EMP2: variants seen among roughly 807,000 people sequenced by gnomAD.
EMP2 encodes epithelial membrane protein 2.
In EMP2, 19 loss-of-function variants were observed where a neutral mutation model predicts 13.7. The ratio of observed to expected loss-of-function variants is 1.38; its 90% CI spans 0.97 to 2.03. EMP2 has a LOEUF of 2.03. Ranked by LOEUF, EMP2 falls within the 30% of genes most tolerant of loss-of-function variation. EMP2 has a pLI of 0.00. For missense variants in EMP2, 253 were observed against 220.7 expected, an observed-to-expected ratio of 1.15 and a Z score of -0.93; for synonymous variants, 97 against 84.7, an observed-to-expected ratio of 1.15 and a Z score of -0.80.
chr16:10,557,508 G>A (rs1371370486), intron 1 of EMP2, among the ~76,000 whole-genome samples: 1 of 152,164 alleles, frequency 6.6e-6, no homozygotes, highest in Admixed American at 6.6e-5. Context: ...TTTGGATTAT[G>A]GATAAAGTTT....
At chr16:10,576,147 G>T (rs896295298) in intron 1 of EMP2, among the ~76,000 whole-genome samples, 3 of 151,866 alleles carry the variant, frequency 2.0e-5, no homozygotes, top group Non-Finnish European at 4.4e-5. Context: ...GTGAAACCAT[G>T]GGTTTGTGTG....
At chr16:10,574,910 C>T (rs1004488469) in intron 1 of EMP2, among the ~76,000 whole-genome samples, 1 of 152,050 alleles carries the variant, frequency 6.6e-6, no homozygotes, top group Non-Finnish European at 1.5e-5. Flanking sequence ...GGCTGGAGTA[C>T]GTGGAACAAT....
chr16:10,534,050 G>A lies in EMP2; in HGVS notation c.317-958C>T, dbSNP rs566024613. 9.2e-5 allele frequency among the ~76,000 whole-genome samples: 14 copies of A among 152,098 alleles called. No homozygotes were observed. The East Asian group carries it at 2.7e-3, about 29-fold the overall frequency. Reference sequence around the variant, plus strand: ...GAATCGCTTTAACTCACGAGGCAGAGGTTGCAGTGAGCCGAGATCGCACCA... The same window carrying A: ...GAATCGCTTTAACTCACGAGGCAGAAGTTGCAGTGAGCCGAGATCGCACCA... On this transcript the variant is annotated intron_variant, in intron 4 of 4. Coordinates refer to ENST00000359543, the MANE Select transcript of EMP2 (RefSeq NM_001424.6).
At chr16:10,556,392 C>T (rs2050827976) in intron 1 of EMP2, among the ~76,000 whole-genome samples, 1 of 152,316 alleles carries the variant, frequency 6.6e-6, no homozygotes, top group Non-Finnish European at 1.5e-5. Context: ...GCACATTCTC[C>T]AGCCAGTCTC....
chr16:10,535,711 C>A (rs2050641872), intron 4 of EMP2, among the ~76,000 whole-genome samples: 1 of 152,172 alleles, frequency 6.6e-6, no homozygotes, highest in African/African-American at 2.4e-5. Context: ...ACCCAAGTCC[C>A]CCCACCCCAA....
chr16:10,559,403 G>C (rs919997655), intron 1 of EMP2, among the ~76,000 whole-genome samples: 15 of 152,216 alleles, frequency 9.9e-5, no homozygotes, highest in Admixed American at 3.3e-4. Flanking sequence ...TGGAGCTCTG[G>C]GCACAAAGTC....
chr16:10,547,664 C>G lies in EMP2; in HGVS notation c.-47G>C, dbSNP rs1209669062. 2.5e-6 allele frequency: 4 copies of G among 1,590,830 alleles called. No individual in the cohort carries two copies. In the Admixed American group the frequency reaches 6.7e-5, roughly 27 times the overall value. On this transcript the variant is annotated 5_prime_UTR_variant, in exon 2 of 5. Transcript: ENST00000359543. The stretch of plus-strand genomic sequence containing the variant: ...GAGGCGAGGGGTCACGTTTAAAGCC[C>G]AGAGCGGGATGTGCTGAAGAGGGTA...
rs2050660855 is a variant in EMP2, at chr16:10,537,824, C to T, written c.316+104G>A. The T allele has an allele frequency of 3.3e-6, 5 of 1,509,098 alleles. No individual in the cohort carries two copies. In the South Asian group the frequency reaches 6.3e-5, roughly 19 times the overall value. The allele number at this position is 1,509,098 out of a possible 1,614,324, so 93.5% of individuals were successfully genotyped here. On this transcript the variant is annotated intron_variant, in intron 4 of 4. Transcript: ENST00000359543. Reference sequence around the variant, plus strand: ...CACAGCACCGCGCGGCTGCCAATTTCTCCTTTCCAAATTCTCCCTCCTCCT... The same window carrying T: ...CACAGCACCGCGCGGCTGCCAATTTTTCCTTTCCAAATTCTCCCTCCTCCT...
At chr16:10,538,335 C>A (rs1349296096) in intron 3 of EMP2, among the ~76,000 whole-genome samples, 2 of 152,342 alleles carry the variant, frequency 1.3e-5, no homozygotes, top group Admixed American at 6.5e-5. Context: ...GCTCTGCATT[C>A]TTCCTGGTCT....
At chr16:10,540,903 C>T (rs552142534) in intron 3 of EMP2, among the ~76,000 whole-genome samples, 2 of 151,998 alleles carry the variant, frequency 1.3e-5, no homozygotes, top group South Asian at 4.2e-4. Context: ...GCATGGGCAA[C>T]ATGGTAAAAC....
chr16:10,530,996 G>A lies in EMP2; in HGVS notation c.*1909C>T, dbSNP rs990714973. ...TTTTGAATCGTTTTATTTTTGAGAC[G>A]GAGTCTCAGACTGTCGCCTGGGCTG... is the stretch of plus-strand genomic sequence containing the variant. On this transcript the variant is annotated 3_prime_UTR_variant, in exon 5 of 5. Coordinates refer to ENST00000359543, the MANE Select transcript of EMP2 (RefSeq NM_001424.6). 3 of 152,206 alleles carry A rather than the reference G, an allele frequency of 2.0e-5. No homozygotes were observed. The highest frequency in any genetic ancestry group is 6.5e-5 in the Admixed American group (1 of 15,274). 9.4% of individuals were successfully genotyped at this position (152,206 alleles called of 1,614,324 possible).
intron 3 of EMP2, among the ~76,000 whole-genome samples, chr16:10,538,755 G>A (rs1208904760): frequency 6.6e-6 from 1 of 152,084 alleles, no homozygotes; most frequent in Non-Finnish European, 1.5e-5. Context: ...GTGGCCATAG[G>A]GAAGGCATCC....
intron 1 of EMP2, among the ~76,000 whole-genome samples, chr16:10,559,421 G>T (rs951416451): frequency 1.2e-4 from 18 of 152,240 alleles, no homozygotes; most frequent in African/African-American, 4.3e-4. Context: ...GTCAGCATTT[G>T]GCTCTCTCCG....
chr16:10,568,668 G>A (rs79479214), intron 1 of EMP2, among the ~76,000 whole-genome samples: 2,025 of 152,104 alleles, frequency 0.013, 44 homozygotes, highest in African/African-American at 0.046. Context: ...CAGTTCCTCC[G>A]ACAGAGACCA....
intron 1 of EMP2, among the ~76,000 whole-genome samples, chr16:10,550,008 C>T (rs926167293): frequency 3.3e-5 from 5 of 151,100 alleles, no homozygotes; most frequent in African/African-American, 9.7e-5. Context: ...GCCTCAGCCT[C>T]CTGAGTAGCT....
At chr16:10,570,041 G>C (rs1195787233) in intron 1 of EMP2, among the ~76,000 whole-genome samples, 2 of 152,006 alleles carry the variant, frequency 1.3e-5, no homozygotes, top group African/African-American at 4.8e-5. Context: ...CCCTGGGTCT[G>C]CTGAGACACT....
rs1288888250 is a variant in EMP2, at chr16:10,531,864, G to C, written c.*1041C>G. ...AGGTGTAGCATGAAGGGCTGGACAA[G>C]AAGGGAGAGGCCTTCTGGGATAAGA... On this transcript the variant is annotated 3_prime_UTR_variant, in exon 5 of 5. Coordinates refer to ENST00000359543, the MANE Select transcript of EMP2 (RefSeq NM_001424.6). The C allele has an allele frequency of 1.3e-5, 2 of 154,846 alleles. No homozygotes were observed. The highest frequency in any genetic ancestry group is 2.4e-5 in the African/African-American group (1 of 41,518). The allele number at this position is 154,846 out of a possible 1,614,324, so 9.6% of individuals were successfully genotyped here. A position where few individuals can be genotyped will look rare whatever the true frequency, so the allele number is the denominator to read the frequency against.
intron 1 of EMP2, among the ~76,000 whole-genome samples, chr16:10,557,972 G>A (rs1213860967): frequency 6.6e-6 from 1 of 152,006 alleles, no homozygotes. Flanking sequence ...GGGAACTGTG[G>A]GTGGCGTTAT....
At chr16:10,545,056 G>A (rs918486610) in intron 2 of EMP2, 3 of 152,110 alleles carry the variant, frequency 2.0e-5, no homozygotes, top group Non-Finnish European at 4.4e-5. Context: ...AATACATAAT[G>A]AATACCCTCA....
Sources: allele counts gnomAD v4.1 joint callset (sites outside exome capture counted in the v4.1 genomes callset), GRCh38; gene constraint gnomAD v4.1.1; transcripts MANE v1.5; gene names NCBI Gene and HGNC (gene_info 2026-07-23, HGNC 2026-07-21).